Variants in UBL7 observed in about 807,000 individuals in gnomAD.
The protein encoded by UBL7 is ubiquitin like 7.
UBL7 carries 21 observed loss-of-function variants against 41.7 expected under a neutral mutation model. That is an observed-to-expected ratio of 0.50 (90% CI 0.36 to 0.73). UBL7 has a LOEUF of 0.73. UBL7 is among the 30% of genes least tolerant of loss of function. The probability of loss-of-function intolerance (pLI) is 0.00; values close to 1 mark genes in which losing one functional copy is unlikely to be tolerated. For synonymous variants in UBL7, 157 were observed against 186.9 expected (o/e 0.84, Z 1.31); for missense variants, 403 against 478.4 (o/e 0.84, Z 1.47).
At chr15:74,456,813 C>T (rs2061299444) in intron 2 of UBL7, 142 bp from the exon 3 acceptor site, 6 of 843,858 alleles carry the variant, frequency 7.1e-6, no homozygotes, top group Non-Finnish European at 8.5e-6. Context: ...TTAACAAATA[C>T]TTTTTTTTTT....
rs566264927 is a variant in UBL7, at chr15:74,449,790, T to G, written c.665-115A>C. ...TATTTTCATCTCTCCCCTCGGAAAATTACAGGACAGATGCACTTCCTGACT... is the reference window on the plus strand; with the variant it reads ...TATTTTCATCTCTCCCCTCGGAAAAGTACAGGACAGATGCACTTCCTGACT... On this transcript the variant is annotated intron_variant, in intron 7 of 10. Coordinates refer to ENST00000395081, the MANE Select transcript of UBL7 (RefSeq NM_032907.5). 3 of 1,549,430 alleles carry G rather than the reference T, an allele frequency of 1.9e-6. No individual in the cohort carries two copies. In the South Asian group the frequency reaches 3.5e-5, roughly 18 times the overall value.
Position 74,449,128 on chromosome 15 carries a change from G to A in UBL7, c.882+58C>T, listed in dbSNP as rs1596212163. On this transcript the variant is annotated intron_variant, in intron 9 of 10. Coordinates refer to ENST00000395081, the MANE Select transcript of UBL7 (RefSeq NM_032907.5). ...TCAGCAAAGGCAAATCTACTCTACT[G>A]CTGGGGAGCTTGTTCCTTGGGGGCC... is the stretch of plus-strand genomic sequence containing the variant. 4 of 1,503,784 alleles carry A rather than the reference G, an allele frequency of 2.7e-6. No individual in the cohort carries two copies. The East Asian group carries it at 9.3e-5, about 35-fold the overall frequency. The allele number at this position is 1,503,784 out of a possible 1,614,324, so 93.2% of individuals were successfully genotyped here. A position where few individuals can be genotyped will look rare whatever the true frequency, so the allele number is the denominator to read the frequency against.
At chr15:74,449,814 C>A in intron 7 of UBL7, 122 bp downstream of exon 7, 2 of 1,536,976 alleles carry the variant, frequency 1.3e-6, no homozygotes, top group Admixed American at 2.0e-5. Flanking sequence ...CACTTCCTGA[C>A]TCAAACCGAG....
intron 2 of UBL7, among the ~76,000 whole-genome samples, chr15:74,456,996 A>G (rs1421085830): frequency 6.6e-6 from 1 of 152,122 alleles, no homozygotes; most frequent in Non-Finnish European, 1.5e-5. Context: ...TTTTTTGTAG[A>G]GACGGGGTTT....
rs555240649 is a variant in UBL7, at chr15:74,449,784, G to A, written c.665-109C>T. 298 of 1,552,800 alleles carry A rather than the reference G, an allele frequency of 1.9e-4. 6 individuals are homozygous for A. In the South Asian group the frequency reaches 2.1e-3, roughly 11 times the overall value. On this transcript the variant is annotated intron_variant, in intron 7 of 10. Transcript: ENST00000395081. ...AATTCATATTTTCATCTCTCCCCTCGGAAAATTACAGGACAGATGCACTTC... is the reference window on the plus strand; with the variant it reads ...AATTCATATTTTCATCTCTCCCCTCAGAAAATTACAGGACAGATGCACTTC...
chr15:74,457,252 C>A (rs554051701), intron 2 of UBL7, among the ~76,000 whole-genome samples: 87 of 152,222 alleles, frequency 5.7e-4, no homozygotes, highest in African/African-American at 2.0e-3. Flanking sequence ...TGGGCCATGG[C>A]GAAAATTAGG....
At chr15:74,448,439 A>C in intron 10 of UBL7, 39 bp downstream of exon 10, 1 of 1,610,500 alleles carries the variant, frequency 6.2e-7, no homozygotes, top group South Asian at 1.1e-5. Context: ...CAAAATAACA[A>C]GGAAGCCACA....
rs769738342 is a variant in UBL7, at chr15:74,452,396, C to G, written c.305-18G>C. On this transcript the variant is annotated intron_variant, in intron 3 of 10. Coordinates refer to ENST00000395081, the MANE Select transcript of UBL7 (RefSeq NM_032907.5). Reference sequence around the variant, plus strand: ...CACAGGTTCTGGGGGACAAGACATTCAGAGTTACCCTATAGCGCAGGTCCT... The same window carrying G: ...CACAGGTTCTGGGGGACAAGACATTGAGAGTTACCCTATAGCGCAGGTCCT... 8.4e-6 allele frequency: 13 copies of G among 1,553,514 alleles called. No individual in the cohort carries two copies. Among genetic ancestry groups the G allele is most frequent in the Non-Finnish European group, 1.1e-5 (13 of 1,147,686 alleles).
At position 74,456,537 on chromosome 15, in the gene UBL7, C is replaced by G; in HGVS notation, c.304+15G>C. On this transcript the variant is annotated intron_variant, in intron 3 of 10. Transcript: ENST00000395081. Reference sequence around the variant, plus strand: ...TACAGAAACTCTGCCTGCCTAAGGGCTGCCCCTCACTCACCCGGTTTCTGA... The same window carrying G: ...TACAGAAACTCTGCCTGCCTAAGGGGTGCCCCTCACTCACCCGGTTTCTGA... 2 of 1,613,534 alleles carry G rather than the reference C, an allele frequency of 1.2e-6. No homozygotes were observed. Among genetic ancestry groups the G allele is most frequent in the Non-Finnish European group, 1.7e-6 (2 of 1,179,548 alleles).
In UBL7 at chr15:74,449,587, C is replaced by T. The variant is rs61184870; in HGVS notation, c.714+39G>A. The T allele has an allele frequency of 2.6e-4, 420 of 1,613,966 alleles. 2 individuals are homozygous for T. The African/African-American group carries it at 5.1e-3, about 20-fold the overall frequency. On this transcript the variant is annotated intron_variant, in intron 8 of 10. Transcript: ENST00000395081. ...AGCTCATTCCCAGCACCATCTCCCC[C>T]ACATGTCAGCATGTCAGGCAGGCAG... is the stretch of plus-strand genomic sequence containing the variant.
At chr15:74,452,458 G>A (rs770430141) in intron 3 of UBL7, 80 bp from the exon 4 acceptor site, 25 of 1,386,196 alleles carry the variant, frequency 1.8e-5, no homozygotes, top group Non-Finnish European at 2.5e-5. Context: ...ATTTCAGCAT[G>A]TGCCAAGGAG....
At chr15:74,450,900 C>A (rs536013519) in intron 5 of UBL7, 41 bp from the exon 6 acceptor site, 2 of 1,608,516 alleles carry the variant, frequency 1.2e-6, no homozygotes, top group East Asian at 4.5e-5. Flanking sequence ...AGGAAATCAG[C>A]CAGATCCAGG....
Position 74,452,328 on chromosome 15 carries a change from C to G in UBL7, c.355G>C (p.Ala119Pro), listed in dbSNP as rs1000045651. The G allele has an allele frequency of 6.4e-7, 1 of 1,560,520 alleles. No individual in the cohort carries two copies. Among genetic ancestry groups the G allele is most frequent in the South Asian group, 1.2e-5 (1 of 84,816 alleles). ...AMREFRVLHT[A>P]LHSSSSYREA... is the part of the protein sequence containing the mutation. ...CTGTAAGAGGAGCTGCTGTGCAGGG[C>G]AGTGTGCAACACCCGGAACTCTCTC... The change falls in exon 4 of 11, where the codon GCC becomes CCC. Residue 119 changes from alanine (A) to proline (P), a missense_variant. Transcript: ENST00000395081.
intron 3 of UBL7, among the ~76,000 whole-genome samples, chr15:74,454,715 G>A (rs538522747): frequency 3.3e-5 from 5 of 152,234 alleles, no homozygotes; most frequent in Admixed American, 2.6e-4. Flanking sequence ...ACTTCTTACA[G>A]GATTTTGGTT....
chr15:74,457,336 G>A (rs1423275780), intron 2 of UBL7, among the ~76,000 whole-genome samples: 1 of 152,108 alleles, frequency 6.6e-6, no homozygotes, highest in Non-Finnish European at 1.5e-5. Context: ...CTGAGGTCAG[G>A]AGTTCAAGGC....
chr15:74,451,416 A>C lies in UBL7; in HGVS notation c.472+20T>G. On this transcript the variant is annotated intron_variant, in intron 5 of 10. Transcript: ENST00000395081. The stretch of plus-strand genomic sequence containing the variant: ...CTTTTCCGACAACTCCTATTTCCTC[A>C]AATTCAGTCCTGCACTTACCAAGAG... 1 of 1,608,314 alleles carries C rather than the reference A, an allele frequency of 6.2e-7. No individual in the cohort carries two copies. Among genetic ancestry groups the C allele is most frequent in the Non-Finnish European group, 8.5e-7 (1 of 1,176,304 alleles).
At chr15:74,447,084 G>A (rs1364842964) in intron 10 of UBL7, among the ~76,000 whole-genome samples, 1 of 152,180 alleles carries the variant, frequency 6.6e-6, no homozygotes, top group African/African-American at 2.4e-5. Context: ...TTCTGAGCTA[G>A]GGAATAAAGT....
At chr15:74,460,470 C>T (rs1441535064) in intron 1 of UBL7, among the ~76,000 whole-genome samples, 2 of 152,166 alleles carry the variant, frequency 1.3e-5, no homozygotes, top group Non-Finnish European at 2.9e-5. Context: ...AATTTCTCTT[C>T]CCTTTTTGGC....
In UBL7 at chr15:74,450,666, C is replaced by T. The variant is rs994708821; in HGVS notation, c.530+136G>A. 8.1e-6 allele frequency: 7 copies of T among 865,022 alleles called. No individual in the cohort carries two copies. The African/African-American group carries it at 8.4e-5, about 10-fold the overall frequency. The allele number at this position is 865,022 out of a possible 1,614,324, so 53.6% of individuals were successfully genotyped here. A position where few individuals can be genotyped will look rare whatever the true frequency, so the allele number is the denominator to read the frequency against. On this transcript the variant is annotated intron_variant, in intron 6 of 10. Coordinates refer to ENST00000395081, the MANE Select transcript of UBL7 (RefSeq NM_032907.5). ...CTCTTGGGCTTTGCTCTTTCTCACC[C>T]CCTGACGTATCTAAGGGGTAGACTT...
Sources: gnomAD v4.1 joint callset for allele counts (sites outside exome capture counted in the v4.1 genomes callset) on GRCh38, gnomAD v4.1.1 for gene constraint, MANE v1.5 for transcripts, NCBI Gene and HGNC (gene_info 2026-07-23, HGNC 2026-07-21) for gene names.